Variants in LETM1 observed in about 807,000 individuals in gnomAD.
LETM1 encodes the protein mitochondrial proton/calcium exchanger protein.
A neutral mutation model predicts 74.5 loss-of-function variants in LETM1; 50 were observed. The ratio of observed to expected loss-of-function variants is 0.67; its 90% CI spans 0.53 to 0.85. The LOEUF (loss-of-function observed/expected upper bound fraction) is 0.85. Among genes scored for constraint, LETM1 ranks in the 40% least tolerant of loss-of-function variants. The pLI, the probability that LETM1 is intolerant of heterozygous loss-of-function variation, is 0.00. For missense variants in LETM1, 824 were observed against 967.8 expected, an observed-to-expected ratio of 0.85 and a Z score of 1.97; for synonymous variants, 446 against 407.1, an observed-to-expected ratio of 1.10 and a Z score of -1.15.
intron 6 of LETM1, among the ~76,000 whole-genome samples, chr4:1,828,476 C>T (rs1469409708): frequency 0.012 from 1,097 of 90,858 alleles, no homozygotes; most frequent in East Asian, 0.021. Flanking sequence ...CCTCACCTCC[C>T]GGACGGGGCG....
At chr4:1,821,362 G>A (rs1047189568) in intron 10 of LETM1, among the ~76,000 whole-genome samples, 3 of 151,608 alleles carry the variant, frequency 2.0e-5, no homozygotes, top group Non-Finnish European at 4.4e-5. Flanking sequence ...AAAATGCTGG[G>A]ATTACAGGCG....
At chr4:1,833,158 A>G (rs1268946497) in intron 5 of LETM1, 5 of 553,844 alleles carry the variant, frequency 9.0e-6, no homozygotes, top group African/African-American at 3.9e-5. Context: ...TGCAACCTCC[A>G]CCTCCTGGGT....
At chr4:1,847,732 G>A (rs942440747) in intron 2 of LETM1, among the ~76,000 whole-genome samples, 23 of 149,226 alleles carry the variant, frequency 1.5e-4, no homozygotes, top group African/African-American at 4.5e-4. Flanking sequence ...GCTGAGGCAG[G>A]AGAATCGCTT....
At chr4:1,827,271 GTTC>G (rs1482700518) in intron 6 of LETM1, among the ~76,000 whole-genome samples, 4 of 135,192 alleles carry the variant, frequency 3.0e-5, no homozygotes, top group East Asian at 2.1e-4. Flanking sequence ...TGGATTGACA[GTTC>G]TTTTTTTTTT....
chr4:1,835,073 C>G, intron 4 of LETM1, 91 bp from the exon 5 acceptor site: 1 of 1,243,546 alleles, frequency 8.0e-7, no homozygotes, highest in Non-Finnish European at 1.1e-6. Flanking sequence ...ACCCCCACTC[C>G]CAGAAACATT....
intron 1 of LETM1, among the ~76,000 whole-genome samples, chr4:1,850,051 G>A (rs562157152): frequency 2.6e-5 from 4 of 152,308 alleles, no homozygotes; most frequent in Admixed American, 2.0e-4. Flanking sequence ...CTACTTGGGA[G>A]GCTGAGTCAG....
chr4:1,843,672 G>C (rs990514577), intron 2 of LETM1, among the ~76,000 whole-genome samples: 38 of 152,344 alleles, frequency 2.5e-4, no homozygotes, highest in Admixed American at 2.4e-3. Flanking sequence ...GGGGTGGGAA[G>C]GGGGACAGGC....
chr4:1,855,378 G>A (rs1054691964), intron 1 of LETM1, among the ~76,000 whole-genome samples: 4 of 152,158 alleles, frequency 2.6e-5, no homozygotes, highest in African/African-American at 9.7e-5. Context: ...GCCGGTCGCG[G>A]CCTAATCACA....
chr4:1,849,330 T>C, intron 1 of LETM1, 121 bp from the exon 2 acceptor site: 2 of 694,294 alleles, frequency 2.9e-6, no homozygotes. Flanking sequence ...AATGGCGTGA[T>C]CTCGGCTCAC....
intron 6 of LETM1, among the ~76,000 whole-genome samples, chr4:1,830,136 T>G (rs912735909): frequency 6.6e-6 from 1 of 152,212 alleles, no homozygotes; most frequent in Admixed American, 6.5e-5. Flanking sequence ...TGGTTGACAC[T>G]TGCTATAGCA....
intron 2 of LETM1, among the ~76,000 whole-genome samples, chr4:1,848,272 G>T (rs1431338992): frequency 6.6e-6 from 1 of 152,072 alleles, no homozygotes; most frequent in African/African-American, 2.4e-5. Flanking sequence ...GGTGCGGCCG[G>T]ACGCGGTGGC....
Position 1,834,730 on chromosome 4 carries a change from C to T in LETM1, c.876+115G>A, listed in dbSNP as rs903126272. ...CGACTGAGCCTCCTGGGTAAACTTT[C>T]AAGCGCCAGCCAGCACCTGGGGGAG... is the stretch of plus-strand genomic sequence containing the variant. On this transcript the variant is annotated intron_variant, in intron 5 of 13. Transcript: ENST00000302787. This position sits in a 1 kb window ranked among gnomAD's most constrained non-coding sequence, Gnocchi z 5.0. The T allele has an allele frequency of 2.6e-6, 4 of 1,524,304 alleles. No individual in the cohort carries two copies. The highest frequency in any genetic ancestry group is 3.5e-6 in the Non-Finnish European group (4 of 1,136,514). The allele number at this position is 1,524,304 out of a possible 1,614,324, so 94.4% of individuals were successfully genotyped here.
chr4:1,832,266 C>A (rs1712303139), intron 6 of LETM1, among the ~76,000 whole-genome samples: 1 of 151,936 alleles, frequency 6.6e-6, no homozygotes, highest in Non-Finnish European at 1.5e-5. Flanking sequence ...CTCGCCACTG[C>A]ACTCCAACCT....
intron 1 of LETM1, 90 bp downstream of exon 1, chr4:1,855,779 G>C (rs894820013): frequency 4.9e-5 from 40 of 810,458 alleles, no homozygotes; most frequent in Non-Finnish European, 6.5e-5. Flanking sequence ...TCCCCGCATC[G>C]CCGTGACAAC....
chr4:1,847,952 C>T (rs970109302), intron 2 of LETM1, among the ~76,000 whole-genome samples: 3 of 150,328 alleles, frequency 2.0e-5, no homozygotes, highest in Non-Finnish European at 2.9e-5. Context: ...GCAGAGATCA[C>T]GCCACTGCAT....
intron 1 of LETM1, among the ~76,000 whole-genome samples, chr4:1,854,381 G>A (rs1713167335): frequency 6.6e-6 from 1 of 151,870 alleles, no homozygotes; most frequent in African/African-American, 2.4e-5. Context: ...TCAGGAGGCT[G>A]AGGCAGGAGA....
chr4:1,815,875 G>A (rs112391470), intron 12 of LETM1, 73 bp from the exon 13 acceptor site: 2 of 1,573,228 alleles, frequency 1.3e-6, no homozygotes, highest in South Asian at 1.1e-5. Context: ...CCACACCTGT[G>A]GCTGCAAGTG....
At chr4:1,841,954 C>T (rs548683470) in intron 2 of LETM1, among the ~76,000 whole-genome samples, 157 bp from the exon 3 acceptor site, 2 of 152,308 alleles carry the variant, frequency 1.3e-5, no homozygotes, top group South Asian at 2.1e-4. Context: ...TTGCACTGCC[C>T]GCTGGGGAGC....
At chr4:1,854,516 G>A (rs994934069) in intron 1 of LETM1, among the ~76,000 whole-genome samples, 72 of 138,480 alleles carry the variant, frequency 5.2e-4, no homozygotes, top group Admixed American at 3.4e-3. Flanking sequence ...ATTGGGGGCC[G>A]GGCGCGGTGG....
Sources: gnomAD v4.1 joint callset for allele counts (sites outside exome capture counted in the v4.1 genomes callset) on GRCh38, gnomAD v4.1.1 for gene constraint, Gnocchi (gnomAD v3.1) non-coding constraint, MANE v1.5 for transcripts, NCBI Gene and HGNC (gene_info 2026-07-23, HGNC 2026-07-21) for gene names.